TANC1: variants seen among roughly 807,000 people sequenced by gnomAD.
TANC1 encodes tetratricopeptide repeat, ankyrin repeat and coiled-coil containing 1.
Under a neutral mutation model 149.7 loss-of-function variants are expected in TANC1, and 77 were observed. That is an observed-to-expected ratio of 0.51 (90% CI 0.43 to 0.62). The LOEUF is 0.62. TANC1 is among the 20% of genes least tolerant of loss of function. The pLI, the probability that TANC1 is intolerant of heterozygous loss-of-function variation, is 0.00. For missense variants in TANC1, 1,985 were observed against 2,321.8 expected (o/e 0.85, Z 2.98); for synonymous variants, 854 against 925.0 (o/e 0.92, Z 1.39).
intron 1 of TANC1, among the ~76,000 whole-genome samples, chr2:158,983,272 C>G (rs993629620): frequency 2.0e-5 from 3 of 151,956 alleles, no homozygotes; most frequent in African/African-American, 7.2e-5. Flanking sequence ...TCGAGACCAT[C>G]TTGGCTAACA....
intron 4 of TANC1, among the ~76,000 whole-genome samples, chr2:159,117,496 C>T (rs1013789694): frequency 8.7e-5 from 13 of 150,050 alleles, no homozygotes; most frequent in Non-Finnish European, 1.5e-4. Flanking sequence ...CCTGGGTTCA[C>T]GCCATTCTCC....
chr2:159,167,143 C>T (rs1029172098), intron 8 of TANC1, among the ~76,000 whole-genome samples: 1 of 152,206 alleles, frequency 6.6e-6, no homozygotes, highest in Non-Finnish European at 1.5e-5. Flanking sequence ...ATAGGCAACA[C>T]TTTTGAGGCT....
intron 24 of TANC1, 180 bp from the exon 25 acceptor site, chr2:159,227,639 G>T: frequency 1.6e-6 from 1 of 628,630 alleles, no homozygotes. Flanking sequence ...GGACAGTGAA[G>T]CCCTCATGTG....
At chr2:159,196,516 G>A (rs2057862463) in intron 17 of TANC1, 92 bp from the exon 18 acceptor site, 1 of 1,072,174 alleles carries the variant, frequency 9.3e-7, no homozygotes, top group Admixed American at 2.5e-5. Context: ...ACGCTTACAG[G>A]GAGTGGGGTT....
chr2:159,122,369 G>A (rs2048932935), intron 4 of TANC1, among the ~76,000 whole-genome samples: 1 of 152,064 alleles, frequency 6.6e-6, no homozygotes, highest in South Asian at 2.1e-4. Flanking sequence ...TGAGACTTGG[G>A]GACTTCCTAT....
intron 5 of TANC1, among the ~76,000 whole-genome samples, chr2:159,138,155 A>G (rs753404265): frequency 1.1e-4 from 17 of 152,194 alleles, no homozygotes; most frequent in Non-Finnish European, 2.5e-4. Context: ...CTGATTCGGC[A>G]TCTTTAGTCT....
intron 12 of TANC1, 36 bp from the exon 13 acceptor site, chr2:159,176,316 A>G (rs1360544060): frequency 6.3e-6 from 8 of 1,273,442 alleles, no homozygotes; most frequent in Non-Finnish European, 8.6e-6. Context: ...AGAAATGTAT[A>G]ATTTCTTAAT....
chr2:159,192,122 A>G (rs1372065571), intron 16 of TANC1, among the ~76,000 whole-genome samples: 1 of 152,196 alleles, frequency 6.6e-6, no homozygotes. Flanking sequence ...AGATCCAGGG[A>G]GATTACTAAG....
chr2:159,055,014 C>T (rs986741794), intron 2 of TANC1, among the ~76,000 whole-genome samples: 5 of 152,102 alleles, frequency 3.3e-5, no homozygotes, highest in African/African-American at 9.7e-5. Context: ...CTGGGAGTTG[C>T]GATTGCACAT....
chr2:159,150,431 C>T lies in TANC1; in HGVS notation c.557C>T (p.Pro186Leu). The T allele has an allele frequency of 6.2e-7, 1 of 1,614,204 alleles. No homozygotes were observed. The change falls in exon 7 of 27, where the codon CCT becomes CTT. Residue 186 changes from proline (P) to leucine (L), a missense_variant. By Grantham distance (98) the Pro-to-Leu change is moderately conservative (BLOSUM62 -3). Coordinates refer to ENST00000263635, the MANE Select transcript of TANC1 (RefSeq NM_033394.3). ...CSTLTSSTAS[P>L]STDSPCSTLN... ...ACACTAACAAGCAGCACCGCATCTC[C>T]TAGCACCGATAGCCCCTGCTCAACC...
intron 17 of TANC1, 97 bp from the exon 18 acceptor site, chr2:159,196,511 T>TA (rs2057861772): frequency 2.9e-6 from 3 of 1,026,432 alleles, no homozygotes; most frequent in Non-Finnish European, 4.3e-6. Context: ...CATGTACGCT[T>TA]ACAGGGAGTG....
intron 2 of TANC1, among the ~76,000 whole-genome samples, chr2:159,025,442 T>G (rs966517557): frequency 3.3e-5 from 5 of 152,082 alleles, no homozygotes; most frequent in African/African-American, 1.2e-4. Context: ...TGACCTATAT[T>G]TTATCCCCAG....
chr2:159,115,658 C>A (rs1489698202), intron 4 of TANC1, among the ~76,000 whole-genome samples: 1 of 152,144 alleles, frequency 6.6e-6, no homozygotes. Context: ...GAATCCATAT[C>A]CTGGCATACC....
intron 2 of TANC1, among the ~76,000 whole-genome samples, chr2:159,033,784 C>T (rs763090440): frequency 1.4e-4 from 22 of 152,174 alleles, no homozygotes; most frequent in Non-Finnish European, 3.1e-4. Flanking sequence ...CTGAAAACAT[C>T]ATGATGCTCA....
At chr2:159,188,310 T>C (rs1474489771) in intron 16 of TANC1, among the ~76,000 whole-genome samples, 1 of 152,272 alleles carries the variant, frequency 6.6e-6, no homozygotes, top group Non-Finnish European at 1.5e-5. Context: ...ATAATTGCAG[T>C]TTGCCACTTT....
chr2:159,097,907 C>G (rs2046298063), intron 4 of TANC1, 73 bp downstream of exon 4: 1 of 1,299,408 alleles, frequency 7.7e-7, no homozygotes, highest in Non-Finnish European at 1.1e-6. Flanking sequence ...AAACTAGTGC[C>G]CATGAGAAAT....
intron 4 of TANC1, among the ~76,000 whole-genome samples, chr2:159,112,727 C>T (rs1434901811): frequency 2.0e-5 from 3 of 152,056 alleles, no homozygotes; most frequent in African/African-American, 7.2e-5. Context: ...AGGCACATGC[C>T]ACCATGGCCG....
intron 16 of TANC1, among the ~76,000 whole-genome samples, chr2:159,189,898 G>A (rs141860862): frequency 5.3e-4 from 81 of 152,296 alleles, no homozygotes; most frequent in African/African-American, 1.9e-3. Context: ...AAGAACCATA[G>A]TTTAGGGGAA....
At chr2:159,010,756 A>T (rs2037679957) in intron 2 of TANC1, among the ~76,000 whole-genome samples, 1 of 150,890 alleles carries the variant, frequency 6.6e-6, no homozygotes, top group Admixed American at 6.6e-5. Context: ...AGCCTTTAAA[A>T]TTTTTTCTCT....
Sources: allele counts gnomAD v4.1 joint callset (sites outside exome capture counted in the v4.1 genomes callset), GRCh38; gene constraint gnomAD v4.1.1; transcripts MANE v1.5; gene names NCBI Gene and HGNC (gene_info 2026-07-23, HGNC 2026-07-21).